Variants in FMN2 observed in about 807,000 individuals in gnomAD.
FMN2 encodes the protein formin-2.
A neutral mutation model predicts 142.3 loss-of-function variants in FMN2; 51 were observed. The observed-to-expected ratio is 0.36, with a 90% CI of 0.29 to 0.45. The LOEUF (loss-of-function observed/expected upper bound fraction) is 0.45, where lower values mean the gene tolerates loss of function less well. FMN2 is among the 20% of genes least tolerant of loss of function. The pLI is 1.00. For synonymous variants in FMN2, 882 were observed against 869.8 expected, an observed-to-expected ratio of 1.01 and a Z score of -0.25; for missense variants, 1,936 against 2,122.8, an observed-to-expected ratio of 0.91 and a Z score of 1.73.
intron 4 of FMN2, among the ~76,000 whole-genome samples, chr1:240,203,506 C>A (rs1345531091): frequency 6.6e-6 from 1 of 152,180 alleles, no homozygotes; most frequent in East Asian, 1.9e-4. Flanking sequence ...ATGTCCTTTG[C>A]AGCGACATGG....
rs779365829 is a variant in FMN2 at position 240,379,651 on chromosome 1, T to A, written c.4859-12860T>A. 6.2e-4 allele frequency among the ~76,000 whole-genome samples: 94 copies of A among 152,156 alleles called. 1 individual carries two copies. Among genetic ancestry groups the A allele is most frequent in the Non-Finnish European group, 1.3e-3 (86 of 68,030 alleles). ...ACAGATCAGACTCCTATACTGCTTA[T>A]TTTTCAGTATATGAAAACAGTTTCA... On this transcript the variant is annotated intron_variant, in intron 14 of 17. Transcript: ENST00000319653.
chr1:240,227,811 G>T (rs1667367531), intron 6 of FMN2, among the ~76,000 whole-genome samples: 2 of 151,982 alleles, frequency 1.3e-5, no homozygotes, highest in African/African-American at 4.8e-5. Context: ...TATGACAAAA[G>T]AAAAAATAGA....
At chr1:240,144,178 TG>T in intron 2 of FMN2, 1 of 1,465,114 alleles carries the variant, frequency 6.8e-7, no homozygotes, top group Non-Finnish European at 9.6e-7. Flanking sequence ...TCCTTGTTCT[TG>T]TAAAGCCATT....
chr1:240,276,144 A>G (rs1388759752), intron 7 of FMN2, among the ~76,000 whole-genome samples: 5 of 152,176 alleles, frequency 3.3e-5, no homozygotes, highest in African/African-American at 1.2e-4. Flanking sequence ...CAAGGGAAGT[A>G]TAGTATGAAT....
At chr1:240,464,957 T>A (rs1676565954) in intron 16 of FMN2, among the ~76,000 whole-genome samples, 1 of 152,172 alleles carries the variant, frequency 6.6e-6, no homozygotes, top group Non-Finnish European at 1.5e-5. Flanking sequence ...AGTGATGAAA[T>A]TTATAAATAG....
At chr1:240,421,972 C>T (rs1269024336) in intron 15 of FMN2, among the ~76,000 whole-genome samples, 1 of 152,094 alleles carries the variant, frequency 6.6e-6, no homozygotes, top group Middle Eastern at 3.2e-3. Context: ...CTCCTGAGCA[C>T]CAGCTTCCTG....
At chr1:240,407,875 C>T (rs911493131) in intron 15 of FMN2, among the ~76,000 whole-genome samples, 1 of 152,102 alleles carries the variant, frequency 6.6e-6, no homozygotes, top group Non-Finnish European at 1.5e-5. Flanking sequence ...GTTTTAATCC[C>T]TCTAGTAATA....
At chr1:240,270,488 A>T (rs971807469) in intron 7 of FMN2, among the ~76,000 whole-genome samples, 2 of 152,072 alleles carry the variant, frequency 1.3e-5, no homozygotes, top group Non-Finnish European at 2.9e-5. Flanking sequence ...GATAAACCTC[A>T]TTGGCTTCAG....
At chr1:240,130,688 T>C (rs929604560) in intron 2 of FMN2, among the ~76,000 whole-genome samples, 12 of 152,250 alleles carry the variant, frequency 7.9e-5, no homozygotes, top group Non-Finnish European at 1.5e-4. Context: ...CCTTTTCTTA[T>C]ACAGGGAACT....
chr1:240,449,299 CTGTGACTTTCT>C (rs1675926885), intron 16 of FMN2, among the ~76,000 whole-genome samples: 1 of 152,156 alleles, frequency 6.6e-6, no homozygotes, highest in African/African-American at 2.4e-5. Flanking sequence ...CCTGCCTTTC[CTGTGACTTTCT>C]GCTTACTGAC....
intron 7 of FMN2, among the ~76,000 whole-genome samples, chr1:240,270,191 T>C (rs1347811458): frequency 6.6e-6 from 1 of 152,078 alleles, no homozygotes; most frequent in Non-Finnish European, 1.5e-5. Flanking sequence ...TTTATCATAT[T>C]AAGAAACATT....
At chr1:240,355,681 T>C in intron 13 of FMN2, 135 bp from the exon 14 acceptor site, 1 of 519,566 alleles carries the variant, frequency 1.9e-6, no homozygotes, top group Non-Finnish European at 3.5e-6. Flanking sequence ...TTTGGATGTT[T>C]CCAAAATGTG....
At chr1:240,323,151 CTCTT>C (rs1397387416) in intron 8 of FMN2, among the ~76,000 whole-genome samples, 1 of 147,098 alleles carries the variant, frequency 6.8e-6, no homozygotes, top group Non-Finnish European at 1.5e-5. Flanking sequence ...CCTTTCCTTT[CTCTT>C]TCTCTTTCTC....
chr1:240,103,085 C>T (rs550887302), intron 1 of FMN2, among the ~76,000 whole-genome samples: 7 of 151,960 alleles, frequency 4.6e-5, no homozygotes, highest in Non-Finnish European at 1.0e-4. Flanking sequence ...AGGTTGATCT[C>T]GAACTCCTGA....
chr1:240,329,990 A>G (rs10157105), intron 10 of FMN2, among the ~76,000 whole-genome samples: 45,034 of 152,150 alleles, frequency 0.3, 6,741 homozygotes, highest in East Asian at 0.33. Flanking sequence ...AATATCAGTA[A>G]TACCATTTGT....
chr1:240,184,632 G>A (rs958504345), intron 3 of FMN2, among the ~76,000 whole-genome samples: 3 of 150,216 alleles, frequency 2.0e-5, no homozygotes, highest in African/African-American at 7.3e-5. Flanking sequence ...GTTAGTCTTT[G>A]AAAATAATAA....
At chr1:240,222,875 G>A (rs960459305) in intron 6 of FMN2, among the ~76,000 whole-genome samples, 2 of 152,198 alleles carry the variant, frequency 1.3e-5, no homozygotes, top group African/African-American at 4.8e-5. Context: ...TTGCTTATCA[G>A]CTTAAGGAGA....
At position 240,126,190 on chromosome 1, in the gene FMN2, G is replaced by A. The variant is rs115690413; in HGVS notation, c.1782+2845G>A. 9.3e-3 allele frequency among the ~76,000 whole-genome samples: 1,421 copies of A among 152,264 alleles called. 20 individuals are homozygous for A. Among genetic ancestry groups the A allele is most frequent in the African/African-American group, 0.032 (1,342 of 41,538 alleles). ...GAGGACTGGGGTGTCAATGAGGGAT[G>A]AGGAAGAATGTGCTTATCTATGGGG... On this transcript the variant is annotated intron_variant, in intron 2 of 17. Transcript: ENST00000319653.
chr1:240,325,343 C>CAAAAAAAAA (rs5782134), intron 8 of FMN2, among the ~76,000 whole-genome samples: 1 of 108,088 alleles, frequency 9.3e-6, no homozygotes, highest in African/African-American at 3.4e-5. Flanking sequence ...ACCCTGTCTC[C>CAAAAAAAAA]AAAAAAAAAA....
Sources: allele counts gnomAD v4.1 joint callset (sites outside exome capture counted in the v4.1 genomes callset), GRCh38; gene constraint gnomAD v4.1.1; transcripts MANE v1.5; gene names NCBI Gene and HGNC (gene_info 2026-07-23, HGNC 2026-07-21).